The following TVP23A variants were observed in gnomAD, a reference collection of about 807,000 sequenced individuals.
The protein encoded by TVP23A is Golgi apparatus membrane protein TVP23 homolog A.
TVP23A carries 21 observed loss-of-function variants against 31.7 expected under a neutral mutation model. The observed-to-expected ratio is 0.66, with a 90% CI of 0.47 to 0.95. The LOEUF (loss-of-function observed/expected upper bound fraction) is 0.95. TVP23A is among the 40% of genes least tolerant of loss of function. The pLI is 0.00. For missense variants in TVP23A, 279 were observed against 255.6 expected (o/e 1.09, Z -0.62); for synonymous variants, 104 against 96.0 (o/e 1.08, Z -0.49).
At chr16:10,797,604 A>C (rs546782092) in intron 2 of TVP23A, among the ~76,000 whole-genome samples, 2 of 152,030 alleles carry the variant, frequency 1.3e-5, no homozygotes, top group Admixed American at 1.3e-4. Context: ...GGTAGTGCGC[A>C]CCTATAATCT....
chr16:10,793,147 G>A (rs1027419299), intron 2 of TVP23A, among the ~76,000 whole-genome samples: 6 of 152,104 alleles, frequency 3.9e-5, no homozygotes, highest in Non-Finnish European at 7.3e-5. Flanking sequence ...AAATTAGCCA[G>A]GCATCGTGGC....
At chr16:10,761,406 C>T (rs1231972773) in exon 9 of TVP23A, 11 of 1,613,990 alleles carry the variant, frequency 6.8e-6, no homozygotes, top group African/African-American at 5.3e-5. Flanking sequence ...CAACTTCTGC[C>T]GCAAGGTGAA....
At chr16:10,792,547 T>G (rs2033162360) in intron 2 of TVP23A, among the ~76,000 whole-genome samples, 1 of 152,214 alleles carries the variant, frequency 6.6e-6, no homozygotes. Context: ...ACAATTGAAG[T>G]GCTCTCTTCT....
chr16:10,794,996 T>C (rs2033308087), intron 2 of TVP23A, among the ~76,000 whole-genome samples: 1 of 151,740 alleles, frequency 6.6e-6, no homozygotes, highest in Non-Finnish European at 1.5e-5. Flanking sequence ...GAGCCTGGGA[T>C]CCCTGGAGAA....
intron 2 of TVP23A, among the ~76,000 whole-genome samples, chr16:10,797,297 C>T (rs1596547414): frequency 6.6e-6 from 1 of 151,920 alleles, no homozygotes; most frequent in Non-Finnish European, 1.5e-5. Context: ...CTTTGGGAGG[C>T]CGAGACGGGC....
intron 3 of TVP23A, among the ~76,000 whole-genome samples, chr16:10,774,571 A>G (rs2031861440): frequency 6.6e-6 from 1 of 150,500 alleles, no homozygotes; most frequent in Non-Finnish European, 1.5e-5. Flanking sequence ...GGTTTTTATA[A>G]GGGAAACCCC....
chr16:10,773,360 T>C lies in TVP23A; in HGVS notation c.406A>G (p.Ile136Val). Residue 136 changes from isoleucine to valine, a missense_variant, in exon 5 of 8, where the codon ATT (isoleucine) becomes GTT (valine). Ile to Val is a conservative substitution (Grantham distance 29). Transcript: ENST00000299866. ...AATAAGGTGCTAAAAAAAAACACAA[T>C]CCATATCATGGGGCAGATTATGAGG... is the stretch of plus-strand genomic sequence containing the variant. The part of the protein sequence containing the change: ...LGLIICPMIW[I>V]VFFFSTLFSL... 1.2e-6 allele frequency: 2 copies of C among 1,611,132 alleles called. No individual in the cohort carries two copies. Among genetic ancestry groups the C allele is most frequent in the East Asian group, 2.2e-5 (1 of 44,824 alleles).
At chr16:10,796,497 GT>G (rs2033396488) in intron 2 of TVP23A, among the ~76,000 whole-genome samples, 1 of 152,082 alleles carries the variant, frequency 6.6e-6, no homozygotes, top group African/African-American at 2.4e-5. Flanking sequence ...CAGTGGCACG[GT>G]CTCAGCTCAA....
chr16:10,761,303 GCA>G, exon 9 of TVP23A: 1 of 1,483,070 alleles, frequency 6.7e-7, no homozygotes, highest in Non-Finnish European at 9.4e-7. Context: ...CCCCTCGGTT[GCA>G]CAGACATTCC....
intron 2 of TVP23A, among the ~76,000 whole-genome samples, chr16:10,787,618 A>C (rs990912921): frequency 6.6e-6 from 1 of 152,044 alleles, no homozygotes; most frequent in African/African-American, 2.4e-5. Context: ...GCTCTATGTA[A>C]ATCAGACACT....
chr16:10,793,806 C>A (rs182460315), intron 2 of TVP23A, among the ~76,000 whole-genome samples: 1 of 129,364 alleles, frequency 7.7e-6, no homozygotes, highest in East Asian at 2.3e-4. Context: ...GGCTGAAGTG[C>A]GAGGACTGAT....
At chr16:10,788,037 G>T (rs1282647730) in intron 2 of TVP23A, among the ~76,000 whole-genome samples, 2 of 152,124 alleles carry the variant, frequency 1.3e-5, no homozygotes, top group African/African-American at 4.8e-5. Flanking sequence ...TGTGCCCAAG[G>T]TTGTCGGGCT....
chr16:10,789,363 G>T (rs548026802), intron 2 of TVP23A, among the ~76,000 whole-genome samples: 1 of 152,076 alleles, frequency 6.6e-6, no homozygotes, highest in Non-Finnish European at 1.5e-5. Flanking sequence ...TTGATGAAAA[G>T]AGTCAAACTC....
At chr16:10,794,116 A>G (rs184676712) in intron 2 of TVP23A, among the ~76,000 whole-genome samples, 119 of 152,132 alleles carry the variant, frequency 7.8e-4, no homozygotes, top group African/African-American at 2.8e-3. Flanking sequence ...ACTCACTCCC[A>G]CCAGCCCCTT....
At position 10,768,900 on chromosome 16, in the gene TVP23A, A is replaced by C. The variant is rs2031291304; in HGVS notation, c.*202T>G. 1.5e-6 allele frequency: 1 copy of C among 680,396 alleles called. No homozygotes were observed. The highest frequency in any genetic ancestry group is 1.9e-5 in the South Asian group (1 of 53,292). The allele number at this position is 680,396 out of a possible 1,614,324, so 42.1% of individuals were successfully genotyped here. A position where few individuals can be genotyped will look rare whatever the true frequency, so the allele number is the denominator to read the frequency against. On this transcript the variant is annotated 3_prime_UTR_variant, in exon 8 of 8. Coordinates refer to ENST00000299866, the MANE Select transcript of TVP23A (RefSeq NM_001079512.4). The surrounding 1 kb of genome is among the most constrained non-coding windows in gnomAD (Gnocchi z 4.3). The stretch of plus-strand genomic sequence containing the variant: ...TGAGGTATTCCGGTCACTTTCAAAG[A>C]CTCAGGGCATCACAGACACAGGTCT...
At chr16:10,789,391 G>C (rs978332855) in intron 2 of TVP23A, among the ~76,000 whole-genome samples, 1 of 152,112 alleles carries the variant, frequency 6.6e-6, no homozygotes, top group African/African-American at 2.4e-5. Context: ...CATTTGATGA[G>C]ATTTATTCTG....
intron 2 of TVP23A, among the ~76,000 whole-genome samples, chr16:10,817,281 T>C (rs542346964): frequency 6.6e-6 from 1 of 152,330 alleles, no homozygotes; most frequent in East Asian, 1.9e-4. Flanking sequence ...CTGGGGTTTA[T>C]TAGGTTTGAA....
downstream of TVP23A, among the ~76,000 whole-genome samples, chr16:10,760,071 T>C (rs1017772565): frequency 1.3e-5 from 2 of 152,248 alleles, no homozygotes; most frequent in Admixed American, 6.5e-5. Context: ...AGTAATCACA[T>C]TGGAAAAACT....
At chr16:10,795,685 G>A (rs985130996) in intron 2 of TVP23A, among the ~76,000 whole-genome samples, 2 of 152,150 alleles carry the variant, frequency 1.3e-5, no homozygotes, top group Admixed American at 6.6e-5. Flanking sequence ...AAAGTGTACC[G>A]TGCAAGGACC....
Sources: allele counts gnomAD v4.1 joint callset (sites outside exome capture counted in the v4.1 genomes callset), GRCh38; gene constraint gnomAD v4.1.1; non-coding constraint Gnocchi (gnomAD v3.1); transcripts MANE v1.5; gene names NCBI Gene and HGNC (gene_info 2026-07-23, HGNC 2026-07-21).